Variants in PPP2R5E observed in about 807,000 individuals in gnomAD.
The protein encoded by PPP2R5E is serine/threonine-protein phosphatase 2A 56 kDa regulatory subunit epsilon isoform.
Under a neutral mutation model 65.3 loss-of-function variants are expected in PPP2R5E, and 4 were observed. That is an observed-to-expected ratio of 0.06 (90% CI 0.03 to 0.14). The LOEUF (loss-of-function observed/expected upper bound fraction) is 0.14, where lower values mean the gene tolerates loss of function less well. PPP2R5E is among the 10% of genes least tolerant of loss of function. The pLI is 1.00. For missense variants in PPP2R5E, 274 were observed against 556.1 expected, an observed-to-expected ratio of 0.49 and a Z score of 5.10; for synonymous variants, 183 against 187.4, an observed-to-expected ratio of 0.98 and a Z score of 0.19.
intron 2 of PPP2R5E, among the ~76,000 whole-genome samples, chr14:63,535,399 C>A (rs1893627770): frequency 6.6e-6 from 1 of 151,396 alleles, no homozygotes; most frequent in South Asian, 2.1e-4. Context: ...CCAGCCTGGG[C>A]AACAAGAGCA....
At chr14:63,471,154 C>T (rs1594911899) in intron 2 of PPP2R5E, among the ~76,000 whole-genome samples, 1 of 152,146 alleles carries the variant, frequency 6.6e-6, no homozygotes, top group South Asian at 2.1e-4. Context: ...ATGGAGAGTA[C>T]ACATAAAAAT....
intron 2 of PPP2R5E, among the ~76,000 whole-genome samples, chr14:63,494,546 TA>T (rs80245799): frequency 0.043 from 6,100 of 141,584 alleles, 256 homozygotes; most frequent in African/African-American, 0.12. Context: ...TACAGCCATT[TA>T]AAAAAAAAAA....
intron 5 of PPP2R5E, among the ~76,000 whole-genome samples, chr14:63,404,088 G>A (rs949103046): frequency 1.3e-5 from 2 of 152,116 alleles, no homozygotes; most frequent in Non-Finnish European, 2.9e-5. Context: ...CTAGGAAATA[G>A]GACTCTGGTT....
chr14:63,377,708 T>C (rs949047804), intron 13 of PPP2R5E, among the ~76,000 whole-genome samples: 8 of 152,240 alleles, frequency 5.3e-5, no homozygotes, highest in African/African-American at 1.9e-4. Flanking sequence ...TAGTTTCAGC[T>C]ATCTCAAATA....
Position 63,539,582 on chromosome 14 carries a change from T to A in PPP2R5E, c.104A>T (p.Gln35Leu). The A allele has an allele frequency of 1.2e-6, 2 of 1,614,134 alleles. No homozygotes were observed. Among genetic ancestry groups the A allele is most frequent in the Non-Finnish European group, 1.7e-6 (2 of 1,179,984 alleles). Residue 35 changes from glutamine (Q) to leucine (L), a missense_variant, in exon 2 of 14, where the codon CAG becomes CTG. Coordinates refer to ENST00000337537, the MANE Select transcript of PPP2R5E (RefSeq NM_006246.5). ...AATAGGCTTGCCTTGAGACCTAAACTGTGAGGAACTTTGCGACCTCTTCTG... is the reference window on the plus strand; with the variant it reads ...AATAGGCTTGCCTTGAGACCTAAACAGTGAGGAACTTTGCGACCTCTTCTG... Reference protein sequence around the residue: ...ARQKRSQSSSQFRSQGKPIEL... With the variant: ...ARQKRSQSSSLFRSQGKPIEL...
chr14:63,456,527 A>C lies in PPP2R5E; in HGVS notation c.158-2642T>G, dbSNP rs74368252. 8.0e-3 allele frequency among the ~76,000 whole-genome samples: 1,222 copies of C among 152,344 alleles called. 44 individuals carry two copies. In the East Asian group the frequency reaches 0.11, roughly 14 times the overall value. ...GGTACATTTATTGGGCACTTTATCT[A>C]AGCACTTATACATATTATATCTCCT... On this transcript the variant is annotated intron_variant, in intron 2 of 13. Transcript: ENST00000337537.
At chr14:63,399,472 C>T (rs1204859369) in intron 5 of PPP2R5E, among the ~76,000 whole-genome samples, 2 of 140,848 alleles carry the variant, frequency 1.4e-5, no homozygotes, top group South Asian at 2.2e-4. Context: ...CTCCGCCTTC[C>T]GGGTTCAAGC....
intron 2 of PPP2R5E, among the ~76,000 whole-genome samples, chr14:63,516,399 C>T (rs1892673407): frequency 6.6e-6 from 1 of 152,110 alleles, no homozygotes; most frequent in Non-Finnish European, 1.5e-5. Context: ...GCAACAAATC[C>T]ATAATTTCAG....
chr14:63,422,757 A>AC, intron 3 of PPP2R5E, among the ~76,000 whole-genome samples: 1 of 148,364 alleles, frequency 6.7e-6, no homozygotes, highest in South Asian at 2.1e-4. Context: ...AAAAAAAAAA[A>AC]AACTGGTAAT....
intron 2 of PPP2R5E, among the ~76,000 whole-genome samples, chr14:63,494,923 G>T (rs1333232740): frequency 1.3e-5 from 2 of 151,500 alleles, no homozygotes; most frequent in Non-Finnish European, 2.9e-5. Flanking sequence ...AAACAAAAAG[G>T]CCAGGCATGG....
In PPP2R5E at chr14:63,374,634, G is replaced by GAGATATATAT. The variant is rs1555353679; in HGVS notation, c.*1374_*1375insATATATATCT. 1 of 109,598 alleles carries GAGATATATAT rather than the reference G, an allele frequency of 9.1e-6. No homozygotes were observed. The highest frequency in any genetic ancestry group is 1.7e-5 in the Non-Finnish European group (1 of 59,132). The allele number at this position is 109,598 out of a possible 1,614,324, so 6.8% of individuals were successfully genotyped here. ...TAAATACAAAGCAGAGAGCCAATAA[G>GAGATATATAT]ATATATATATATATATATATATATA... On this transcript the variant is annotated 3_prime_UTR_variant, in exon 14 of 14. Transcript: ENST00000337537.
At chr14:63,513,809 G>C (rs1892554398) in intron 2 of PPP2R5E, among the ~76,000 whole-genome samples, 1 of 152,200 alleles carries the variant, frequency 6.6e-6, no homozygotes, top group Non-Finnish European at 1.5e-5. Context: ...ATTGTGATGA[G>C]CCAGAACTGG....
At chr14:63,377,383 A>T (rs1274303718) in intron 13 of PPP2R5E, among the ~76,000 whole-genome samples, 7 of 152,136 alleles carry the variant, frequency 4.6e-5, no homozygotes, top group Admixed American at 4.6e-4. Context: ...TTTTTAAAAC[A>T]TTATAACCAA....
At chr14:63,497,767 C>CA (rs151045786) in intron 2 of PPP2R5E, among the ~76,000 whole-genome samples, 22,570 of 149,354 alleles carry the variant, frequency 0.15, 1,939 homozygotes, top group African/African-American at 0.24. Flanking sequence ...AACAAACAAA[C>CA]AAAAAAAAAC....
intron 3 of PPP2R5E, among the ~76,000 whole-genome samples, chr14:63,432,284 C>G (rs536298074): frequency 1.3e-5 from 2 of 152,288 alleles, no homozygotes; most frequent in East Asian, 3.9e-4. Flanking sequence ...TTGCTGCTTA[C>G]TGCTGTTAGA....
chr14:63,515,572 C>G (rs956245112), intron 2 of PPP2R5E, among the ~76,000 whole-genome samples: 4 of 151,898 alleles, frequency 2.6e-5, no homozygotes, highest in Non-Finnish European at 5.9e-5. Context: ...ACTCTGTAGC[C>G]CAGACTGGTG....
At chr14:63,400,730 T>A (rs1012401411) in intron 5 of PPP2R5E, among the ~76,000 whole-genome samples, 1 of 134,516 alleles carries the variant, frequency 7.4e-6, no homozygotes, top group African/African-American at 2.7e-5. Context: ...AGACTCAGTA[T>A]CTCTTTATCT....
At chr14:63,452,627 T>C (rs147604103) in intron 3 of PPP2R5E, 35 of 152,314 alleles carry the variant, frequency 2.3e-4, no homozygotes, top group Middle Eastern at 3.4e-3. Context: ...ACAAATCCAA[T>C]ATACATTCAG....
chr14:63,528,723 A>C (rs1173732880), intron 2 of PPP2R5E, among the ~76,000 whole-genome samples: 1 of 152,180 alleles, frequency 6.6e-6, no homozygotes, highest in Non-Finnish European at 1.5e-5. Context: ...GCAAAAAAAA[A>C]ATAAACTGTT....
Sources: gnomAD v4.1 joint callset for allele counts (sites outside exome capture counted in the v4.1 genomes callset) on GRCh38, gnomAD v4.1.1 for gene constraint, MANE v1.5 for transcripts, NCBI Gene and HGNC (gene_info 2026-07-23, HGNC 2026-07-21) for gene names.